CNTRL: variants seen among roughly 807,000 people sequenced by gnomAD.
CNTRL encodes 110 kDa centrosomal protein.
Under a neutral mutation model 303.7 loss-of-function variants are expected in CNTRL, and 233 were observed. That is an observed-to-expected ratio of 0.77 (90% confidence interval 0.69 to 0.86). CNTRL has a LOEUF of 0.86. Ranked by LOEUF, CNTRL falls within the 40% of genes least tolerant of loss-of-function variation. The pLI, the probability that CNTRL is intolerant of heterozygous loss-of-function variation, is 0.00. For missense variants in CNTRL, 2,524 were observed against 2,650.6 expected, an observed-to-expected ratio of 0.95 and a Z score of 1.05; for synonymous variants, 900 against 922.2, an observed-to-expected ratio of 0.98 and a Z score of 0.44.
At chr9:121,128,628 A>G (rs1485335243) in intron 14 of CNTRL, among the ~76,000 whole-genome samples, 2 of 152,196 alleles carry the variant, frequency 1.3e-5, no homozygotes, top group Non-Finnish European at 2.9e-5. Flanking sequence ...TTTGCTGTGC[A>G]GAAGCTCTTT....
In CNTRL at chr9:121,158,954, G is replaced by A. The variant is rs1314520533; in HGVS notation, c.4864G>A (p.Ala1622Thr). 3 of 1,614,186 alleles carry A rather than the reference G, an allele frequency of 1.9e-6. No homozygotes were observed. Among genetic ancestry groups the A allele is most frequent in the Non-Finnish European group, 2.5e-6 (3 of 1,180,024 alleles). The change falls in exon 31 of 44, where the codon GCT becomes ACT. Residue 1622 changes from alanine (A) to threonine (T), a missense_variant. Physicochemically the swap from Ala to Thr is moderately conservative, Grantham distance 58. Coordinates refer to ENST00000373855, the MANE Select transcript of CNTRL (RefSeq NM_007018.6). ...LLQGSMVQAK[A>T]DLQEALRLGE... ...CCAAGGAAGCATGGTCCAGGCAAAAGCTGACCTCCAGGAAGCTCTGAGACT... is the reference window on the plus strand; with the variant it reads ...CCAAGGAAGCATGGTCCAGGCAAAAACTGACCTCCAGGAAGCTCTGAGACT...
intron 37 of CNTRL, 40 bp downstream of exon 37, chr9:121,167,717 G>C (rs200770280): frequency 2.3e-4 from 359 of 1,559,602 alleles, no homozygotes; most frequent in Non-Finnish European, 3.0e-4. Flanking sequence ...AAAGCATTTT[G>C]TGGCTCATGT....
At chr9:121,095,978 A>G (rs1226467158) in intron 5 of CNTRL, among the ~76,000 whole-genome samples, 2 of 152,348 alleles carry the variant, frequency 1.3e-5, no homozygotes, top group South Asian at 4.1e-4. Flanking sequence ...AGTATCATCT[A>G]TGGGCTCCCA....
Position 121,152,491 on chromosome 9 carries a change from G to A in CNTRL, c.3970G>A (p.Glu1324Lys). 2.5e-6 allele frequency: 4 copies of A among 1,613,426 alleles called. No homozygotes were observed. The highest frequency in any genetic ancestry group is 3.4e-6 in the Non-Finnish European group (4 of 1,179,484). ...NVPEHHNLEN[E>K]VSRLEDIMQH... ...TTTTCCCCATCTCATTCAGGAGAATGAAGTTTCTAGATTAGAAGACATAAT... is the reference window on the plus strand; with the variant it reads ...TTTTCCCCATCTCATTCAGGAGAATAAAGTTTCTAGATTAGAAGACATAAT... The change falls in exon 26 of 44, where the codon GAA (glutamate) becomes AAA (lysine). Residue 1324 changes from glutamate (E) to lysine (K), a missense_variant. Transcript: ENST00000373855.
rs1360529063 is a variant in CNTRL at position 121,143,949 on chromosome 9, A to C, written c.2918A>C (p.Asp973Ala). ...TCTCAGGAGCAAGTTTTTGGTTTAG[A>C]TAAAGAACTGAAGAAACTAAAGAAA... The part of the protein sequence containing the change: ...AKSQEQVFGL[D>A]KELKKLKKAV... Residue 973 changes from aspartate (D) to alanine (A), a missense_variant, in exon 20 of 44, where the codon GAT becomes GCT. By Grantham distance (126) the Asp-to-Ala change is moderately radical. Transcript: ENST00000373855. 1.5e-5 allele frequency: 24 copies of C among 1,611,606 alleles called. No individual in the cohort carries two copies. The highest frequency in any genetic ancestry group is 2.0e-5 in the Non-Finnish European group (24 of 1,179,354).
Position 121,168,335 on chromosome 9 carries a change from A to G in CNTRL, c.6070+14A>G. ...TCTCCCAAACTAGTATGTATTCTGG[A>G]ACTTCTCACTGGGAGATGGGGTATG... On this transcript the variant is annotated intron_variant, in intron 38 of 43. Transcript: ENST00000373855. 1 of 1,607,650 alleles carries G rather than the reference A, an allele frequency of 6.2e-7. No homozygotes were observed. Among genetic ancestry groups the G allele is most frequent in the Non-Finnish European group, 8.5e-7 (1 of 1,174,192 alleles).
intron 25 of CNTRL, among the ~76,000 whole-genome samples, chr9:121,151,167 T>C (rs1310109496): frequency 3.3e-5 from 5 of 152,154 alleles, no homozygotes; most frequent in African/African-American, 7.2e-5. Context: ...TATATTTTAT[T>C]GTACACAATA....
intron 39 of CNTRL, among the ~76,000 whole-genome samples, chr9:121,170,484 C>T (rs2057468): frequency 0.38 from 57,821 of 151,656 alleles, 12,503 homozygotes; most frequent in South Asian, 0.65. Context: ...AAGACAGAGT[C>T]TTGCTCTGTC....
rs928809161 is a variant in CNTRL at position 121,113,369 on chromosome 9, C to T, written c.1123-133C>T. On this transcript the variant is annotated intron_variant, in intron 9 of 43. Coordinates refer to ENST00000373855, the MANE Select transcript of CNTRL (RefSeq NM_007018.6). Reference sequence around the variant, plus strand: ...AGATAAAAGAATAATATATATCTTTCAGCTCCTAGGCATGTAGAATTTATA... The same window carrying T: ...AGATAAAAGAATAATATATATCTTTTAGCTCCTAGGCATGTAGAATTTATA... 1.4e-5 allele frequency: 7 copies of T among 494,742 alleles called. No individual in the cohort carries two copies. In the South Asian group the frequency reaches 1.5e-4, roughly 11 times the overall value. The allele number at this position is 494,742 out of a possible 1,614,324, so 30.6% of individuals were successfully genotyped here. A position where few individuals can be genotyped will look rare whatever the true frequency, so the allele number is the denominator to read the frequency against.
intron 23 of CNTRL, among the ~76,000 whole-genome samples, chr9:121,146,775 G>A (rs2051886721): frequency 6.6e-6 from 1 of 152,198 alleles, no homozygotes; most frequent in Non-Finnish European, 1.5e-5. Context: ...TTGCAGAGAG[G>A]TATTAAGGAT....
intron 14 of CNTRL, among the ~76,000 whole-genome samples, chr9:121,127,272 C>G (rs961814784): frequency 1.3e-5 from 2 of 152,124 alleles, no homozygotes; most frequent in Non-Finnish European, 2.9e-5. Flanking sequence ...CAGTGTTATG[C>G]TATTGCAAAC....
rs925944058 is a variant in CNTRL at position 121,168,261 on chromosome 9, A to G, written c.6010A>G (p.Arg2004Gly). Residue 2004 changes from arginine (R) to glycine (G), a missense_variant, in exon 38 of 44, where the codon AGG (arginine) becomes GGG (glycine). Coordinates refer to ENST00000373855, the MANE Select transcript of CNTRL (RefSeq NM_007018.6). ...GGTGCTGGCAGCTGAAGAGCGTGTTAGGACTCTGCAGGAAGAGGAGAGGTG... is the reference window on the plus strand; with the variant it reads ...GGTGCTGGCAGCTGAAGAGCGTGTTGGGACTCTGCAGGAAGAGGAGAGGTG... Reference protein sequence around the residue: ...SKVLAAEERVRTLQEEERWCE... With the variant: ...SKVLAAEERVGTLQEEERWCE... The G allele has an allele frequency of 7.4e-6, 12 of 1,614,084 alleles. No individual in the cohort carries two copies. The African/African-American group carries it at 1.2e-4, about 16-fold the overall frequency.
intron 1 of CNTRL, 120 bp downstream of exon 1, chr9:121,075,187 G>C (rs1179455116): frequency 8.8e-6 from 3 of 339,612 alleles, no homozygotes; most frequent in African/African-American, 6.7e-5. Context: ...ATGGATTCGG[G>C]GCGGGGGCGC....
At chr9:121,132,250 G>C (rs1246325814) in intron 14 of CNTRL, among the ~76,000 whole-genome samples, 1 of 152,188 alleles carries the variant, frequency 6.6e-6, no homozygotes, top group Non-Finnish European at 1.5e-5. Flanking sequence ...CATTCTCCCT[G>C]TCACTTTTCA....
chr9:121,169,546 A>G (rs1166903680), intron 38 of CNTRL, 65 bp from the exon 39 acceptor site: 1 of 1,482,736 alleles, frequency 6.7e-7, no homozygotes, highest in East Asian at 2.3e-5. Context: ...CCACAAGGGA[A>G]GGGGAGCTCT....
Position 121,113,674 on chromosome 9 carries a change from A to T in CNTRL, c.1295A>T (p.His432Leu). ...AATGATCACATGAACTTGAGAGGCC[A>T]CACACCACTGGACACGCAACTGGAA... ...LRNDHMNLRG[H>L]TPLDTQLEDK... The change falls in exon 10 of 44, where the codon CAC (histidine) becomes CTC (leucine). Residue 432 changes from histidine to leucine, a missense_variant. Physicochemically the swap from His to Leu is moderately conservative, Grantham distance 99 (BLOSUM62 -3). Coordinates refer to ENST00000373855, the MANE Select transcript of CNTRL (RefSeq NM_007018.6). 6.3e-7 allele frequency: 1 copy of T among 1,598,212 alleles called. No individual in the cohort carries two copies. The highest frequency in any genetic ancestry group is 8.5e-7 in the Non-Finnish European group (1 of 1,174,666).
rs1217617247 is a variant in CNTRL at position 121,107,876 on chromosome 9, A to C, written c.883A>C (p.Arg295=). ...TGAAGAGCTTAAGAGCAAACAAACAAGGTTCCTTGAGGAAATTAAAAATCA... is the reference window on the plus strand; with the variant it reads ...TGAAGAGCTTAAGAGCAAACAAACACGGTTCCTTGAGGAAATTAAAAATCA... The part of the protein sequence containing the change: ...ETEELKSKQT[R]FLEEIKNQDK... The change falls in exon 8 of 44, where the codon AGG becomes CGG. Residue 295 remains arginine, a synonymous_variant. Transcript: ENST00000373855. 6.2e-7 allele frequency: 1 copy of C among 1,609,608 alleles called. No homozygotes were observed. Among genetic ancestry groups the C allele is most frequent in the Non-Finnish European group, 8.5e-7 (1 of 1,178,224 alleles).
chr9:121,126,320 A>G (rs1206773344), intron 14 of CNTRL, among the ~76,000 whole-genome samples: 1 of 152,192 alleles, frequency 6.6e-6, no homozygotes, highest in Non-Finnish European at 1.5e-5. Context: ...TAATTTTAAC[A>G]TTATTTTATA....
intron 2 of CNTRL, among the ~76,000 whole-genome samples, chr9:121,085,237 C>G (rs2048300591): frequency 6.6e-6 from 1 of 152,102 alleles, no homozygotes; most frequent in Non-Finnish European, 1.5e-5. Context: ...GATGGTGATT[C>G]CCCATGTGTG....
Sources: gnomAD v4.1 joint callset for allele counts (sites outside exome capture counted in the v4.1 genomes callset) on GRCh38, gnomAD v4.1.1 for gene constraint, MANE v1.5 for transcripts, NCBI Gene and HGNC (gene_info 2026-07-23, HGNC 2026-07-21) for gene names.